EPM2A: variants seen among roughly 807,000 people sequenced by gnomAD.
EPM2A encodes the protein laforin.
In EPM2A, 21 loss-of-function variants were observed where a neutral mutation model predicts 26.5. The ratio of observed to expected loss-of-function variants is 0.79; its 90% CI spans 0.56 to 1.14. The LOEUF (loss-of-function observed/expected upper bound fraction) is 1.14, where lower values mean the gene tolerates loss of function less well. EPM2A is among the 50% of genes most tolerant of loss of function. The probability of loss-of-function intolerance (pLI) is 0.00; values close to 1 mark genes in which losing one functional copy is unlikely to be tolerated. For missense variants in EPM2A, 458 were observed against 440.8 expected (o/e 1.04, Z -0.35); for synonymous variants, 217 against 177.6 (o/e 1.22, Z -1.76).
At chr6:145,419,065 C>T (rs1054919667) in intron 4 of EPM2A, among the ~76,000 whole-genome samples, 2 of 152,092 alleles carry the variant, frequency 1.3e-5, no homozygotes, top group Admixed American at 1.3e-4. Flanking sequence ...TATTTTGTTC[C>T]CACGTGACTT....
At chr6:145,557,064 T>C (rs909249795) in intron 2 of EPM2A, among the ~76,000 whole-genome samples, 1 of 152,138 alleles carries the variant, frequency 6.6e-6, no homozygotes, top group African/African-American at 2.4e-5. Flanking sequence ...TTTTAGCAGA[T>C]TATCTGTGCA....
At position 145,588,509 on chromosome 6, in the gene EPM2A, G is replaced by A. The variant is rs996926091; in HGVS notation, c.340+46736C>T. Among the ~76,000 whole-genome samples the A allele has an allele frequency of 1.2e-4, 19 of 152,210 alleles. No individual in the cohort carries two copies. In the East Asian group the frequency reaches 2.9e-3, roughly 23 times the overall value. On this transcript the variant is annotated intron_variant, in intron 2 of 3. Transcript: ENST00000450221. ...ATTAATTCAAAGGTAATTGAAATTT[G>A]GGAAAAGTGTTAAGAAAAATGTTAA...
chr6:145,521,802 G>T (rs1475556910), intron 2 of EPM2A, among the ~76,000 whole-genome samples: 1 of 152,204 alleles, frequency 6.6e-6, no homozygotes, highest in Non-Finnish European at 1.5e-5. Flanking sequence ...ATAAGATCTT[G>T]CAGGGATTGG....
At chr6:145,729,768 T>C (rs1288230639) in intron 1 of EPM2A, among the ~76,000 whole-genome samples, 1 of 152,162 alleles carries the variant, frequency 6.6e-6, no homozygotes, top group African/African-American at 2.4e-5. Flanking sequence ...GGGGGACCGT[T>C]GAGAAGGAAA....
At chr6:145,527,242 A>G (rs1780288219) in intron 2 of EPM2A, among the ~76,000 whole-genome samples, 1 of 152,098 alleles carries the variant, frequency 6.6e-6, no homozygotes, top group African/African-American at 2.4e-5. Flanking sequence ...CCATGTGCAG[A>G]TGAGAAGAAT....
intron 4 of EPM2A, among the ~76,000 whole-genome samples, chr6:145,424,664 C>T (rs1256115686): frequency 6.6e-6 from 1 of 152,030 alleles, no homozygotes; most frequent in Non-Finnish European, 1.5e-5. Flanking sequence ...GGAGGTGGGG[C>T]CTTTGGGAGA....
intron 2 of EPM2A, chr6:145,670,451 T>G (rs1173483531): frequency 1.3e-5 from 2 of 152,204 alleles, no homozygotes; most frequent in Non-Finnish European, 2.9e-5. Context: ...TCCATCACCA[T>G]TTAAACAACA....
chr6:145,403,732 C>A (rs1442589543), intron 4 of EPM2A, among the ~76,000 whole-genome samples: 3 of 152,090 alleles, frequency 2.0e-5, no homozygotes, highest in Admixed American at 2.0e-4. Context: ...AACAGGAGTG[C>A]AGCTAGCTCT....
intron 4 of EPM2A, among the ~76,000 whole-genome samples, chr6:145,432,390 G>T (rs946883201): frequency 1.3e-5 from 2 of 152,166 alleles, no homozygotes; most frequent in Non-Finnish European, 2.9e-5. Flanking sequence ...TCTATGGGCT[G>T]CAGAATGGAG....
At position 145,488,677 on chromosome 6, in the gene EPM2A, G is replaced by T. The variant is rs192430407; in HGVS notation, c.555+13845C>A. ...AAGATCTTTACATTAAGGATTGGGG[G>T]AAAAGATTCCATTAAAAAAAAGCCT... is the stretch of plus-strand genomic sequence containing the variant. On this transcript the variant is annotated intron_variant, in intron 4 of 4. Transcript: ENST00000638717. Among the ~76,000 whole-genome samples the T allele has an allele frequency of 8.5e-4, 129 of 151,762 alleles. 1 individual carries two copies. In the East Asian group the frequency reaches 0.021, roughly 24 times the overall value.
chr6:145,480,016 C>T (rs942795885), intron 4 of EPM2A, among the ~76,000 whole-genome samples: 1 of 151,934 alleles, frequency 6.6e-6, no homozygotes, highest in African/African-American at 2.4e-5. Flanking sequence ...ATTAGTATTG[C>T]TCAGCATCTT....
At chr6:145,586,157 G>C (rs538170217) in intron 2 of EPM2A, among the ~76,000 whole-genome samples, 1 of 152,218 alleles carries the variant, frequency 6.6e-6, no homozygotes, top group East Asian at 1.9e-4. Flanking sequence ...CTCTTAAATT[G>C]GTAAACTGCA....
Position 145,635,267 on chromosome 6 carries a change from T to C in EPM2A, c.696A>G (p.Pro232=), listed in dbSNP as rs1057227164. ...REEGLAYIWM[P]TPDMSTEGRV... Reference sequence around the variant, plus strand: ...TACCTTCGGTGCTCATATCTGGTGTTGGCATCCAGATGTAGGCCAAGCCTT... The same window carrying C: ...TACCTTCGGTGCTCATATCTGGTGTCGGCATCCAGATGTAGGCCAAGCCTT... Residue 232 remains proline, a synonymous_variant, in exon 3 of 4, where the codon CCA becomes CCG. Coordinates refer to ENST00000367519, the MANE Select transcript of EPM2A (RefSeq NM_005670.4). 1 of 1,614,032 alleles carries C rather than the reference T, an allele frequency of 6.2e-7. No homozygotes were observed. The highest frequency in any genetic ancestry group is 8.5e-7 in the Non-Finnish European group (1 of 1,179,958).
intron 4 of EPM2A, among the ~76,000 whole-genome samples, chr6:145,464,586 T>G (rs1259369634): frequency 6.6e-6 from 1 of 152,138 alleles, no homozygotes; most frequent in Non-Finnish European, 1.5e-5. Context: ...TTTCAGCTAT[T>G]TTTAGTTATT....
At chr6:145,604,274 C>T (rs1392706443) in intron 2 of EPM2A, among the ~76,000 whole-genome samples, 1 of 151,942 alleles carries the variant, frequency 6.6e-6, no homozygotes, top group Non-Finnish European at 1.5e-5. Context: ...TATTATTATG[C>T]CTGCTGGATA....
intron 4 of EPM2A, among the ~76,000 whole-genome samples, chr6:145,437,267 G>A (rs1273184874): frequency 3.3e-5 from 5 of 151,206 alleles, no homozygotes; most frequent in African/African-American, 1.2e-4. Context: ...CTTCCCCTTC[G>A]CCTTCTCCCA....
At chr6:145,512,296 G>A (rs538877343) in intron 2 of EPM2A, among the ~76,000 whole-genome samples, 10 of 152,066 alleles carry the variant, frequency 6.6e-5, no homozygotes, top group South Asian at 2.1e-4. Flanking sequence ...GCCAAAGTAC[G>A]CCTAAGCATA....
At chr6:145,418,831 T>C (rs1453968141) in intron 4 of EPM2A, among the ~76,000 whole-genome samples, 1 of 152,216 alleles carries the variant, frequency 6.6e-6, no homozygotes, top group Admixed American at 6.5e-5. Flanking sequence ...CCAGAGCTGC[T>C]CTGAAACCTG....
intron 2 of EPM2A, among the ~76,000 whole-genome samples, chr6:145,595,870 CAAT>C (rs1781335935): frequency 6.6e-6 from 1 of 152,002 alleles, no homozygotes; most frequent in African/African-American, 2.4e-5. Flanking sequence ...GAACAATGTG[CAAT>C]AATGACAACA....
Sources: allele counts gnomAD v4.1 joint callset (sites outside exome capture counted in the v4.1 genomes callset), GRCh38; gene constraint gnomAD v4.1.1; transcripts MANE v1.5; gene names NCBI Gene and HGNC (gene_info 2026-07-23, HGNC 2026-07-21).